The following BRD1 variants were observed in gnomAD, a reference collection of about 807,000 sequenced individuals.
The protein encoded by BRD1 is bromodomain-containing protein 1.
A neutral mutation model predicts 107.7 loss-of-function variants in BRD1; 24 were observed. The observed-to-expected ratio is 0.22, with a 90% CI of 0.16 to 0.31. The LOEUF is 0.31. Ranked by LOEUF, BRD1 falls within the 10% of genes least tolerant of loss-of-function variation. BRD1 has a pLI of 1.00. For missense variants in BRD1, 1,279 were observed against 1,638.6 expected (o/e 0.78, Z 3.79); for synonymous variants, 744 against 686.1 (o/e 1.08, Z -1.32).
intron 7 of BRD1, among the ~76,000 whole-genome samples, chr22:49,788,154 G>A (rs1233313537): frequency 1.3e-5 from 2 of 152,104 alleles, no homozygotes; most frequent in East Asian, 3.9e-4. Flanking sequence ...TTTCACATGC[G>A]CCAATATTAA....
At chr22:49,816,857 C>G (rs956477912) in intron 2 of BRD1, among the ~76,000 whole-genome samples, 3 of 152,192 alleles carry the variant, frequency 2.0e-5, no homozygotes, top group Admixed American at 2.0e-4. Context: ...AACAGACACT[C>G]TCTGGACTGC....
In BRD1 at chr22:49,777,806, G is replaced by A. The variant is rs752862322; in HGVS notation, c.2865C>T (p.Thr955=). The A allele has an allele frequency of 8.6e-5, 137 of 1,599,632 alleles. 2 individuals carry two copies. Among genetic ancestry groups the A allele is most frequent in the South Asian group, 4.8e-4 (43 of 90,122 alleles). Reference sequence around the variant, plus strand: ...CGCTCCTCGCACCCCCAAAGCCGTTGGTGAGACCTGGAACACAGGCGGGCA... The same window carrying A: ...CGCTCCTCGCACCCCCAAAGCCGTTAGTGAGACCTGGAACACAGGCGGGCA... ...SPGKRLDAGL[T]NGFGGARSEQ... Residue 955 remains threonine, a synonymous_variant, in exon 9 of 13, where the codon ACC becomes ACT. Coordinates refer to ENST00000404760, the MANE Select transcript of BRD1 (RefSeq NM_001304808.3).
intron 8 of BRD1, among the ~76,000 whole-genome samples, chr22:49,785,969 A>T (rs1156690440): frequency 6.6e-6 from 1 of 152,186 alleles, no homozygotes; most frequent in Admixed American, 6.5e-5. Flanking sequence ...TGGCCTGGGC[A>T]GGTCTTGCCC....
intron 2 of BRD1, chr22:49,806,045 C>T (rs1181527431): frequency 6.6e-6 from 1 of 151,930 alleles, no homozygotes; most frequent in Non-Finnish European, 1.5e-5. Context: ...CCGGCCCACA[C>T]CCAGCTAATT....
In BRD1 at chr22:49,827,561, G is replaced by A. The variant is rs1324093170; in HGVS notation, c.-79C>T. 1.4e-5 allele frequency: 2 copies of A among 145,060 alleles called. No homozygotes were observed. Among genetic ancestry groups the A allele is most frequent in the East Asian group, 4.0e-4 (2 of 4,956 alleles). The allele number at this position is 145,060 out of a possible 1,614,324, so 9.0% of individuals were successfully genotyped here. A position where few individuals can be genotyped will look rare whatever the true frequency, so the allele number is the denominator to read the frequency against. Reference sequence around the variant, plus strand: ...GGGCGCGGGGGCCGGCGCGGCCGAGGCGGTGCTAATGGCGCCCGCGGCTCC... The same window carrying A: ...GGGCGCGGGGGCCGGCGCGGCCGAGACGGTGCTAATGGCGCCCGCGGCTCC... On this transcript the variant is annotated 5_prime_UTR_variant, in exon 1 of 13. Coordinates refer to ENST00000404760, the MANE Select transcript of BRD1 (RefSeq NM_001304808.3).
intron 2 of BRD1, among the ~76,000 whole-genome samples, chr22:49,808,405 G>A (rs1167380192): frequency 6.6e-6 from 1 of 152,192 alleles, no homozygotes; most frequent in African/African-American, 2.4e-5. Flanking sequence ...TGTGCTCAGT[G>A]CAATAAGCCA....
intron 2 of BRD1, among the ~76,000 whole-genome samples, chr22:49,808,341 C>CTTTT (rs996645741): frequency 2.0e-5 from 3 of 152,208 alleles, no homozygotes; most frequent in Non-Finnish European, 4.4e-5. Context: ...GTTATTCAGC[C>CTTTT]TTAAAAGGCA....
rs1171974279 is a variant in BRD1, at chr22:49,792,425, T to C, written c.2359+1609A>G. On this transcript the variant is annotated intron_variant, in intron 7 of 12. Coordinates refer to ENST00000404760, the MANE Select transcript of BRD1 (RefSeq NM_001304808.3). The surrounding 1 kb of genome is among the most constrained non-coding windows in gnomAD (Gnocchi z 4.2). Reference sequence around the variant, plus strand: ...AAGGCTGCGGGACCAGGCACCAGCCTGGACTCCTGGGCACAATGGGGCGGC... The same window carrying C: ...AAGGCTGCGGGACCAGGCACCAGCCCGGACTCCTGGGCACAATGGGGCGGC... 6.6e-6 allele frequency among the ~76,000 whole-genome samples: 1 copy of C among 152,162 alleles called. No individual in the cohort carries two copies. The highest frequency in any genetic ancestry group is 1.9e-4 in the East Asian group (1 of 5,186).
chr22:49,789,496 C>A (rs369337364), intron 7 of BRD1, among the ~76,000 whole-genome samples: 30 of 150,994 alleles, frequency 2.0e-4, no homozygotes, highest in African/African-American at 3.4e-4. Flanking sequence ...AGCCTCCCCC[C>A]CCCGCCCCGA....
intron 7 of BRD1, among the ~76,000 whole-genome samples, chr22:49,790,030 G>A (rs1452251997): frequency 1.3e-5 from 2 of 152,212 alleles, no homozygotes; most frequent in Non-Finnish European, 2.9e-5. Context: ...TCCACATGCA[G>A]GCCGGGCTCC....
chr22:49,777,439 T>C (rs2146930315), intron 9 of BRD1, among the ~76,000 whole-genome samples: 1 of 152,360 alleles, frequency 6.6e-6, no homozygotes, highest in East Asian at 1.9e-4. Context: ...CATTGCAGAT[T>C]CTAAAATTGT....
intron 1 of BRD1, among the ~76,000 whole-genome samples, 197 bp downstream of exon 1, chr22:49,827,286 GCCCGGCCCGACCTC>G: frequency 6.8e-6 from 1 of 146,156 alleles, no homozygotes; most frequent in South Asian, 2.2e-4. Flanking sequence ...CTCCCCGGCC[GCCCGGCCCGACCTC>G]CCCGGTCTCC....
intron 1 of BRD1, among the ~76,000 whole-genome samples, chr22:49,827,245 CCCCGCCCGGCCTCCCCGTCTT>C (rs1267732443): frequency 1.3e-5 from 2 of 150,962 alleles, no homozygotes; most frequent in Non-Finnish European, 3.0e-5. Context: ...TACCCGGTCT[CCCCGCCCGGCCTCCCCGTCTT>C]CCCGCCCGTC....
At position 49,774,499 on chromosome 22, in the gene BRD1, A is replaced by G. The variant is rs1394618837; in HGVS notation, c.3387-83T>C. ...CTCCATGTAATCATCTAACAAATTCACTGCCCTCCGATAGAAAGGGGCCCT... is the reference window on the plus strand; with the variant it reads ...CTCCATGTAATCATCTAACAAATTCGCTGCCCTCCGATAGAAAGGGGCCCT... On this transcript the variant is annotated intron_variant, in intron 12 of 12. Transcript: ENST00000404760. 129 of 1,435,900 alleles carry G rather than the reference A, an allele frequency of 9.0e-5. 3 individuals carry two copies. In the East Asian group the frequency reaches 1.2e-3, roughly 13 times the overall value. 88.9% of individuals were successfully genotyped at this position (1,435,900 alleles called of 1,614,324 possible).
rs771609319 is a variant in BRD1 at position 49,823,007 on chromosome 22, C to G, written c.1311G>C (p.Leu437=). The G allele has an allele frequency of 2.5e-6, 4 of 1,614,226 alleles. No individual in the cohort carries two copies. Among genetic ancestry groups the G allele is most frequent in the Non-Finnish European group, 3.4e-6 (4 of 1,180,046 alleles). The stretch of plus-strand genomic sequence containing the variant: ...TCGGCAGGACCGCGCAGGGCTCAGC[C>G]AGAGCTTTCTTAGCCTTTTTTGCCT... ...RKKAKKAKKA[L]AEPCAVLPTV... Residue 437 remains leucine (L), a synonymous_variant, in exon 2 of 13, where the codon CTG becomes CTC. Coordinates refer to ENST00000404760, the MANE Select transcript of BRD1 (RefSeq NM_001304808.3).
chr22:49,798,324 G>A (rs138849), intron 5 of BRD1, among the ~76,000 whole-genome samples: 39,296 of 152,116 alleles, frequency 0.26, 6,732 homozygotes, highest in African/African-American at 0.49. Flanking sequence ...GGTGCCGGGC[G>A]GATGCTGCCA....
rs1258414224 is a variant in BRD1 at position 49,777,700 on chromosome 22, T to C, written c.2971A>G (p.Asn991Asp). 2 of 1,608,302 alleles carry C rather than the reference T, an allele frequency of 1.2e-6. No individual in the cohort carries two copies. The highest frequency in any genetic ancestry group is 1.7e-6 in the Non-Finnish European group (2 of 1,178,418). Reference protein sequence around the residue: ...CASESSISSSNSPLCDSSFNA... With the variant: ...CASESSISSSDSPLCDSSFNA... ...CACCTCGAGTCGCAGAGCGGGCTGT[T>C]GCTGGAGGAGATGCTGGACTCGGAG... is the stretch of plus-strand genomic sequence containing the variant. The change falls in exon 9 of 13, where the codon AAC (asparagine) becomes GAC (aspartate). Residue 991 changes from asparagine to aspartate, a missense_variant. Physicochemically the swap from Asn to Asp is conservative, Grantham distance 23. Transcript: ENST00000404760.
At chr22:49,804,381 G>GT (rs758908234) in intron 2 of BRD1, 21 bp from the exon 3 acceptor site, 11 of 1,585,638 alleles carry the variant, frequency 6.9e-6, no homozygotes, top group Admixed American at 1.7e-5. Context: ...AACACTCAGT[G>GT]TATCTTTGAA....
rs531233718 is a variant in BRD1, at chr22:49,792,055, G to A, written c.2359+1979C>T. ...TATGAGGAGCCACGCTCACCACAGC[G>A]GAGGGCCAAGCAGCTCCAACCATGC... On this transcript the variant is annotated intron_variant, in intron 7 of 12. Coordinates refer to ENST00000404760, the MANE Select transcript of BRD1 (RefSeq NM_001304808.3). This position sits in a 1 kb window ranked among gnomAD's most constrained non-coding sequence, Gnocchi z 4.2. Among the ~76,000 whole-genome samples the A allele has an allele frequency of 4.6e-5, 7 of 152,298 alleles. No homozygotes were observed. Among genetic ancestry groups the A allele is most frequent in the African/African-American group, 7.2e-5 (3 of 41,562 alleles).
Sources: gnomAD v4.1 joint callset for allele counts (sites outside exome capture counted in the v4.1 genomes callset) on GRCh38, gnomAD v4.1.1 for gene constraint, Gnocchi (gnomAD v3.1) non-coding constraint, MANE v1.5 for transcripts, NCBI Gene and HGNC (gene_info 2026-07-23, HGNC 2026-07-21) for gene names.